Variants in ATAD3B observed in about 807,000 individuals in gnomAD.
ATAD3B encodes ATPase family AAA domain-containing protein 3B.
In ATAD3B, 59 loss-of-function variants were observed where a neutral mutation model predicts 70.2. The ratio of observed to expected loss-of-function variants is 0.84; its 90% confidence interval spans 0.68 to 1.04. The LOEUF is 1.04. Ranked by LOEUF, ATAD3B falls within the 50% of genes least tolerant of loss-of-function variation. The pLI is 0.00. For missense variants in ATAD3B, 961 were observed against 913.4 expected, an observed-to-expected ratio of 1.05 and a Z score of -0.67; for synonymous variants, 423 against 388.6, an observed-to-expected ratio of 1.09 and a Z score of -1.04.
downstream of ATAD3B, among the ~76,000 whole-genome samples, chr1:1,500,553 CA>C (rs199521949): frequency 0.13 from 13,972 of 104,844 alleles, 1,522 homozygotes; most frequent in East Asian, 0.39. Flanking sequence ...GACTCCGTCT[CA>C]AAAAAAAAAA....
chr1:1,500,187 C>G (rs1038577777), downstream of ATAD3B, among the ~76,000 whole-genome samples: 1 of 150,092 alleles, frequency 6.7e-6, no homozygotes, highest in South Asian at 2.1e-4. Flanking sequence ...CGTGAGCCAC[C>G]GCACCCGGCC....
At chr1:1,486,460 G>A (rs1570249254) in intron 10 of ATAD3B, 84 bp from the exon 11 acceptor site, 16 of 1,610,116 alleles carry the variant, frequency 9.9e-6, no homozygotes, top group Non-Finnish European at 1.3e-5. Flanking sequence ...ACCCGGCAGG[G>A]GCTCCACACT....
chr1:1,501,692 CT>C (rs1640948642), downstream of ATAD3B, among the ~76,000 whole-genome samples: 1 of 152,054 alleles, frequency 6.6e-6, no homozygotes, highest in Non-Finnish European at 1.5e-5. Flanking sequence ...AGCCTGGCCT[CT>C]ATTTCCACAA....
chr1:1,500,925 G>C (rs1440140684), downstream of ATAD3B, among the ~76,000 whole-genome samples: 9 of 151,970 alleles, frequency 5.9e-5, no homozygotes, highest in South Asian at 2.1e-4. Flanking sequence ...GCACTGCACT[G>C]CAGCCTGGGC....
chr1:1,498,108 G>T (rs1247532865), downstream of ATAD3B, among the ~76,000 whole-genome samples: 9 of 151,718 alleles, frequency 5.9e-5, no homozygotes, highest in African/African-American at 2.2e-4. Flanking sequence ...TTCGAGACCA[G>T]CCCGGCCAAT....
intron 15 of ATAD3B, among the ~76,000 whole-genome samples, chr1:1,494,368 C>G (rs1415969245): frequency 1.3e-5 from 2 of 151,832 alleles, no homozygotes; most frequent in African/African-American, 4.8e-5. Context: ...TTTGCCCTCT[C>G]TTGGGTGGGC....
At position 1,490,332 on chromosome 1, in the gene ATAD3B, C is replaced by G; in HGVS notation, c.1413C>G (p.Val471=). The G allele has an allele frequency of 6.2e-7, 1 of 1,613,296 alleles. No homozygotes were observed. The highest frequency in any genetic ancestry group is 8.5e-7 in the Non-Finnish European group (1 of 1,179,698). ...TCAACAGCCGCATTGACGTGATGGT[C>G]CACTTCGACCTGCCGCAGCAGGAGG... The part of the protein sequence containing the change: ...CAINSRIDVM[V]HFDLPQQEER... Residue 471 remains valine (V), a synonymous_variant, in exon 14 of 16, where the codon GTC becomes GTG. Transcript: ENST00000673477.
At chr1:1,499,475 T>G (rs909965124), downstream of ATAD3B, among the ~76,000 whole-genome samples, 1 of 147,556 alleles carries the variant, frequency 6.8e-6, no homozygotes, top group Non-Finnish European at 1.5e-5. Flanking sequence ...GACCTCATGA[T>G]CCGCACTCGG....
downstream of ATAD3B, among the ~76,000 whole-genome samples, chr1:1,502,505 G>GCCTA (rs1316469751): frequency 4.8e-5 from 6 of 125,810 alleles, no homozygotes; most frequent in South Asian, 2.6e-4. Flanking sequence ...ACCGTGCCCA[G>GCCTA]CATTTTTTTT....
At chr1:1,493,641 T>A (rs1640642532) in intron 15 of ATAD3B, among the ~76,000 whole-genome samples, 1 of 151,716 alleles carries the variant, frequency 6.6e-6, no homozygotes, top group Non-Finnish European at 1.5e-5. Context: ...TTTTTAATCA[T>A]AAAAGTGTGT....
chr1:1,483,829 G>A (rs1159727102), intron 7 of ATAD3B: 1 of 152,220 alleles, frequency 6.6e-6, no homozygotes, highest in African/African-American at 2.4e-5. Context: ...GCATTAAGCA[G>A]CTCCTTCATG....
chr1:1,505,916 C>G, the ATAD3B span, among the ~76,000 whole-genome samples: 1 of 152,136 alleles, frequency 6.6e-6, no homozygotes, highest in Non-Finnish European at 1.5e-5. Context: ...AGCTCGTGCC[C>G]TCGGTCTCTT....
At chr1:1,503,084 G>A in the ATAD3B span, among the ~76,000 whole-genome samples, 1 of 151,616 alleles carries the variant, frequency 6.6e-6, no homozygotes, top group African/African-American at 2.4e-5. Flanking sequence ...GTAGCTGGGC[G>A]TGGTGGCGGG....
In ATAD3B at chr1:1,475,350, C is replaced by A. The variant is rs991514559; in HGVS notation, c.206-1924C>A. Among the ~76,000 whole-genome samples, 45 of 151,762 alleles carry A rather than the reference C, an allele frequency of 3.0e-4. 1 individual carries two copies. The highest frequency in any genetic ancestry group is 1.1e-3 in the African/African-American group (45 of 41,364). ...AGGTTTCTCCGGAGTTGACTGCCCC[C>A]TTTCCCCGGGTGCCCCCTGCCCTGC... On this transcript the variant is annotated intron_variant, in intron 1 of 15. Transcript: ENST00000673477.
At chr1:1,493,228 T>C (rs541195063) in intron 15 of ATAD3B, among the ~76,000 whole-genome samples, 1 of 152,104 alleles carries the variant, frequency 6.6e-6, no homozygotes, top group East Asian at 1.9e-4. Flanking sequence ...CTTTTCAGTT[T>C]GGATGACTTT....
At chr1:1,501,914 C>T (rs112904962), downstream of ATAD3B, among the ~76,000 whole-genome samples, 5 of 151,754 alleles carry the variant, frequency 3.3e-5, no homozygotes, top group East Asian at 1.9e-4. Context: ...GAGTCTCACT[C>T]GTCGCCGAGG....
chr1:1,484,948 G>C (rs541110832), intron 7 of ATAD3B, 68 bp from the exon 8 acceptor site: 19 of 1,531,530 alleles, frequency 1.2e-5, no homozygotes, highest in Non-Finnish European at 1.6e-5. Context: ...GGGCAGCCCC[G>C]TGCGTCTCCT....
chr1:1,482,701 G>T (rs1272962207), intron 7 of ATAD3B, 87 bp downstream of exon 7: 1 of 1,593,198 alleles, frequency 6.3e-7, no homozygotes, highest in East Asian at 2.2e-5. Flanking sequence ...GTCCCTGCCG[G>T]CTCTGCACAG....
intron 13 of ATAD3B, chr1:1,489,855 C>CAG (rs1640436389): frequency 8.2e-7 from 1 of 1,222,158 alleles, no homozygotes; most frequent in African/African-American, 1.6e-5. Context: ...TGAGCCTCTG[C>CAG]TGAACCCGGG....
Sources: allele counts gnomAD v4.1 joint callset (sites outside exome capture counted in the v4.1 genomes callset), GRCh38; gene constraint gnomAD v4.1.1; transcripts MANE v1.5; gene names NCBI Gene and HGNC (gene_info 2026-07-23, HGNC 2026-07-21).